The following KATNIP variants were observed in gnomAD, a reference collection of about 807,000 sequenced individuals.
KATNIP encodes katanin-interacting protein.
Under a neutral mutation model 174.0 loss-of-function variants are expected in KATNIP, and 126 were observed. That is an observed-to-expected ratio of 0.72 (90% CI 0.63 to 0.84). The LOEUF (loss-of-function observed/expected upper bound fraction) is 0.84. Among genes scored for constraint, KATNIP ranks in the 40% least tolerant of loss-of-function variants. The pLI is 0.00. For missense variants in KATNIP, 1,958 were observed against 2,109.7 expected (o/e 0.93, Z 1.41); for synonymous variants, 810 against 835.7 (o/e 0.97, Z 0.53).
intron 3 of KATNIP, among the ~76,000 whole-genome samples, chr16:27,619,406 C>G (rs1030202038): frequency 2.6e-5 from 4 of 152,108 alleles, no homozygotes; most frequent in Admixed American, 2.6e-4. Flanking sequence ...CAACGCAGGC[C>G]CACAGAACTG....
In KATNIP at chr16:27,776,897, G is replaced by C. The variant is rs1207450137; in HGVS notation, c.4450-31G>C. The stretch of plus-strand genomic sequence containing the variant: ...GCCAAGCGCCTCTGTTTCCAAACAT[G>C]CCTGTTTTAATTAGTGCCGCTCTCT... On this transcript the variant is annotated intron_variant, in intron 24 of 27. Transcript: ENST00000261588. This position sits in a 1 kb window ranked among gnomAD's most constrained non-coding sequence, Gnocchi z 4.7. The C allele has an allele frequency of 1.3e-6, 2 of 1,494,030 alleles. No homozygotes were observed. Among genetic ancestry groups the C allele is most frequent in the Admixed American group, 3.4e-5 (2 of 59,644 alleles). 92.5% of individuals were successfully genotyped at this position (1,494,030 alleles called of 1,614,324 possible).
chr16:27,642,393 C>A (rs540341570), intron 5 of KATNIP, among the ~76,000 whole-genome samples: 3 of 152,328 alleles, frequency 2.0e-5, no homozygotes, highest in African/African-American at 7.2e-5. Context: ...AGGGGAACAT[C>A]ACACACCAGA....
chr16:27,763,286 CA>C (rs1475329526), intron 19 of KATNIP, among the ~76,000 whole-genome samples: 3 of 129,390 alleles, frequency 2.3e-5, no homozygotes, highest in Non-Finnish European at 1.6e-5. Context: ...TATGTCTCTA[CA>C]AAAAAAAATA....
intron 13 of KATNIP, among the ~76,000 whole-genome samples, chr16:27,719,854 T>C (rs2080138788): frequency 6.6e-6 from 1 of 152,058 alleles, no homozygotes; most frequent in Non-Finnish European, 1.5e-5. Flanking sequence ...AATTTTTTTG[T>C]AGAGACAAGG....
intron 2 of KATNIP, among the ~76,000 whole-genome samples, chr16:27,598,375 A>G (rs1412528541): frequency 2.6e-5 from 4 of 152,154 alleles, no homozygotes; most frequent in Non-Finnish European, 5.9e-5. Context: ...TCCTGTCTGC[A>G]CATCTGGCTT....
chr16:27,601,845 TC>T (rs2075536655), intron 2 of KATNIP, among the ~76,000 whole-genome samples: 1 of 152,136 alleles, frequency 6.6e-6, no homozygotes, highest in Non-Finnish European at 1.5e-5. Context: ...GGGGGAATGA[TC>T]ATCTACTCAG....
At chr16:27,640,677 A>ATTTTTTT (rs11320678) in intron 5 of KATNIP, among the ~76,000 whole-genome samples, 4 of 122,074 alleles carry the variant, frequency 3.3e-5, no homozygotes, top group Non-Finnish European at 5.2e-5. Context: ...TTGGTTTTTA[A>ATTTTTTT]TTTTTTTTTT....
At chr16:27,611,848 A>G (rs114749061) in intron 2 of KATNIP, among the ~76,000 whole-genome samples, 3,328 of 152,300 alleles carry the variant, frequency 0.022, 139 homozygotes, top group African/African-American at 0.076. Context: ...GCACTTAATT[A>G]TATCCGATTT....
At chr16:27,738,658 A>T (rs1015156756) in intron 14 of KATNIP, among the ~76,000 whole-genome samples, 1 of 152,216 alleles carries the variant, frequency 6.6e-6, no homozygotes, top group Non-Finnish European at 1.5e-5. Context: ...TTATCCCATC[A>T]TCGGCATGGT....
rs1221066124 is a variant in KATNIP at position 27,733,656 on chromosome 16, G to C, written c.1744-6385G>C. Among the ~76,000 whole-genome samples the C allele has an allele frequency of 2.0e-5, 3 of 151,884 alleles. No individual in the cohort carries two copies. The South Asian group carries it at 6.2e-4, about 32-fold the overall frequency. On this transcript the variant is annotated intron_variant, in intron 14 of 27. Transcript: ENST00000261588. ...AGGTTAAGGTTAAGACATTCGGCAG[G>C]AAGGAATTTCATGGTGCACTTCATG...
At chr16:27,690,336 AGATAGATAGATAGATAGATAGATAGAT>A (rs751774311) in intron 8 of KATNIP, among the ~76,000 whole-genome samples, 188 of 132,782 alleles carry the variant, frequency 1.4e-3, no homozygotes, top group African/African-American at 2.1e-3. Context: ...ATAGATAGAT[AGATAGATAGATAGATAGATAGATAGAT>A]GATAGATAGA....
Position 27,652,374 on chromosome 16 carries a change from T to C in KATNIP, c.540+3639T>C, listed in dbSNP as rs539125116. 6.6e-4 allele frequency among the ~76,000 whole-genome samples: 100 copies of C among 152,266 alleles called. 1 individual carries two copies. The highest frequency in any genetic ancestry group is 2.3e-3 in the African/African-American group (97 of 41,536). ...AAAGATACGGGATTCTCCTTAAGTT[T>C]GAGGGGAAACCATCATACCTGTTTT... On this transcript the variant is annotated intron_variant, in intron 6 of 27. Transcript: ENST00000261588.
intron 12 of KATNIP, among the ~76,000 whole-genome samples, chr16:27,706,325 T>C (rs1214791869): frequency 5.9e-5 from 9 of 152,198 alleles, no homozygotes; most frequent in African/African-American, 1.9e-4. Context: ...GCTGGGGTGC[T>C]TGCCTGTCAC....
intron 2 of KATNIP, among the ~76,000 whole-genome samples, chr16:27,601,486 G>T (rs1296624832): frequency 1.3e-5 from 2 of 152,110 alleles, no homozygotes; most frequent in Non-Finnish European, 2.9e-5. Flanking sequence ...ATAGAGACGG[G>T]GCAGGGGGAG....
intron 13 of KATNIP, among the ~76,000 whole-genome samples, chr16:27,712,425 G>GGGAT (rs1277324352): frequency 1.3e-5 from 2 of 152,246 alleles, no homozygotes; most frequent in South Asian, 4.1e-4. Flanking sequence ...CATGAACCTT[G>GGGAT]GGATGACTCT....
intron 27 of KATNIP, among the ~76,000 whole-genome samples, 195 bp from the exon 28 acceptor site, chr16:27,778,379 G>T (rs764712374): frequency 3.9e-5 from 6 of 152,224 alleles, no homozygotes; most frequent in Non-Finnish European, 8.8e-5. Context: ...CTGGGCAAAG[G>T]CTGAGAGGGG....
chr16:27,776,881 C>T lies in KATNIP; in HGVS notation c.4450-47C>T. On this transcript the variant is annotated intron_variant, in intron 24 of 27. Coordinates refer to ENST00000261588, the MANE Select transcript of KATNIP (RefSeq NM_015202.5). The surrounding 1 kb of genome is among the most constrained non-coding windows in gnomAD (Gnocchi z 4.7). The stretch of plus-strand genomic sequence containing the variant: ...TGGCACCCCCAGCCCAGCCAAGCGC[C>T]TCTGTTTCCAAACATGCCTGTTTTA... 2 of 1,408,698 alleles carry T rather than the reference C, an allele frequency of 1.4e-6. No homozygotes were observed. Among genetic ancestry groups the T allele is most frequent in the Non-Finnish European group, 1.0e-6 (1 of 994,170 alleles). The allele number at this position is 1,408,698 out of a possible 1,614,324, so 87.3% of individuals were successfully genotyped here.
chr16:27,676,510 C>G (rs904310448), intron 6 of KATNIP, among the ~76,000 whole-genome samples: 1 of 152,112 alleles, frequency 6.6e-6, no homozygotes, highest in African/African-American at 2.4e-5. Flanking sequence ...TTGGGGAGCC[C>G]TTATTCAGCC....
At chr16:27,698,254 TG>T (rs777135898) in intron 8 of KATNIP, 73 bp from the exon 9 acceptor site, 100 of 1,402,008 alleles carry the variant, frequency 7.1e-5, no homozygotes, top group Non-Finnish European at 9.4e-5. Flanking sequence ...GTTCCTCAAT[TG>T]GGGTCTAATG....
Sources: gnomAD v4.1 joint callset for allele counts (sites outside exome capture counted in the v4.1 genomes callset) on GRCh38, gnomAD v4.1.1 for gene constraint, Gnocchi (gnomAD v3.1) non-coding constraint, MANE v1.5 for transcripts, NCBI Gene and HGNC (gene_info 2026-07-23, HGNC 2026-07-21) for gene names.